ANKS1B: variants seen among roughly 807,000 people sequenced by gnomAD.
ANKS1B encodes ankyrin repeat and sterile alpha motif domain-containing protein 1B.
In ANKS1B, 36 loss-of-function variants were observed where a neutral mutation model predicts 148.3. The observed-to-expected ratio is 0.24, with a 90% CI of 0.19 to 0.32. The LOEUF (loss-of-function observed/expected upper bound fraction) is 0.32. Ranked by LOEUF, ANKS1B falls within the 10% of genes least tolerant of loss-of-function variation. The pLI, the probability that ANKS1B is intolerant of heterozygous loss-of-function variation, is 1.00. For synonymous variants in ANKS1B, 542 were observed against 560.8 expected (o/e 0.97, Z 0.47); for missense variants, 1,157 against 1,542.6 (o/e 0.75, Z 4.19).
intron 1 of ANKS1B, among the ~76,000 whole-genome samples, chr12:99,853,351 A>T (rs537886129): frequency 6.6e-6 from 1 of 152,232 alleles, no homozygotes; most frequent in African/African-American, 2.4e-5. Flanking sequence ...TGCTACACCC[A>T]CAAGAGCAGG....
Position 98,801,154 on chromosome 12 carries a change from T to C in ANKS1B, c.3142-29A>G. The C allele has an allele frequency of 6.2e-7, 1 of 1,608,392 alleles. No individual in the cohort carries two copies. The highest frequency in any genetic ancestry group is 1.3e-5 in the African/African-American group (1 of 74,954). On this transcript the variant is annotated intron_variant, in intron 20 of 26. Coordinates refer to ENST00000683438, the MANE Select transcript of ANKS1B (RefSeq NM_001352186.2). This position sits in a 1 kb window ranked among gnomAD's most constrained non-coding sequence, Gnocchi z 5.2. ...AAAATGACATTTATTCTAGAGGCAA[T>C]ATGAGCAGTCAGCAAAGTTCATTCC...
At chr12:99,645,508 C>A (rs2098353232) in intron 9 of ANKS1B, among the ~76,000 whole-genome samples, 1 of 152,024 alleles carries the variant, frequency 6.6e-6, no homozygotes, top group African/African-American at 2.4e-5. Flanking sequence ...CATTTCAAGG[C>A]TGAGAAAAAT....
intron 9 of ANKS1B, chr12:99,648,410 G>C: frequency 1.9e-6 from 3 of 1,614,144 alleles, no homozygotes; most frequent in Non-Finnish European, 2.5e-6. Flanking sequence ...ACCAGCCCCT[G>C]CCTCACACTA....
At chr12:99,516,510 G>C (rs1017052146) in intron 9 of ANKS1B, among the ~76,000 whole-genome samples, 15 of 152,044 alleles carry the variant, frequency 9.9e-5, no homozygotes, top group Admixed American at 2.0e-4. Context: ...AACACCTCAT[G>C]TTGTCACTCA....
At chr12:99,118,412 T>C (rs1322187841) in intron 15 of ANKS1B, among the ~76,000 whole-genome samples, 1 of 152,216 alleles carries the variant, frequency 6.6e-6, no homozygotes, top group Non-Finnish European at 1.5e-5. Context: ...TTACACTGCA[T>C]ATGAGAACAT....
At chr12:99,588,603 T>C (rs1009705540) in intron 9 of ANKS1B, among the ~76,000 whole-genome samples, 9 of 152,064 alleles carry the variant, frequency 5.9e-5, no homozygotes, top group African/African-American at 1.9e-4. Context: ...TGTAATATTT[T>C]GTACATAAAG....
chr12:98,916,234 G>A (rs1290827280), intron 17 of ANKS1B, among the ~76,000 whole-genome samples: 1 of 152,232 alleles, frequency 6.6e-6, no homozygotes, highest in African/African-American at 2.4e-5. Flanking sequence ...CCAAGGTTTA[G>A]AACAGACAAT....
At chr12:99,569,810 C>G (rs2097433195) in intron 9 of ANKS1B, among the ~76,000 whole-genome samples, 1 of 152,172 alleles carries the variant, frequency 6.6e-6, no homozygotes, top group African/African-American at 2.4e-5. Flanking sequence ...TTGAGCCAGC[C>G]TGCCAGTTCA....
intron 16 of ANKS1B, among the ~76,000 whole-genome samples, chr12:99,076,278 A>G (rs1421878869): frequency 2.0e-5 from 3 of 152,178 alleles, no homozygotes; most frequent in African/African-American, 7.2e-5. Context: ...GAAGCTATGC[A>G]GGCAAATGAA....
At chr12:98,859,050 C>T (rs527747969) in intron 17 of ANKS1B, among the ~76,000 whole-genome samples, 2 of 152,234 alleles carry the variant, frequency 1.3e-5, no homozygotes, top group South Asian at 2.1e-4. Context: ...GCTAAAGGAA[C>T]GCTGTGTGTA....
chr12:98,763,619 T>C (rs1487898147), intron 25 of ANKS1B, among the ~76,000 whole-genome samples: 1 of 152,250 alleles, frequency 6.6e-6, no homozygotes, highest in Admixed American at 6.5e-5. Flanking sequence ...ATATGGCTAC[T>C]GCTAACATCT....
intron 17 of ANKS1B, among the ~76,000 whole-genome samples, chr12:98,886,580 T>C (rs1342160479): frequency 1.3e-5 from 2 of 152,232 alleles, no homozygotes; most frequent in African/African-American, 4.8e-5. Flanking sequence ...TTCAAAGATA[T>C]GATACAGTAT....
At chr12:99,047,446 G>T (rs180993147) in intron 17 of ANKS1B, among the ~76,000 whole-genome samples, 1 of 152,232 alleles carries the variant, frequency 6.6e-6, no homozygotes, top group Admixed American at 6.5e-5. Flanking sequence ...AATTTCCAAA[G>T]TTGATGACAA....
intron 8 of ANKS1B, among the ~76,000 whole-genome samples, chr12:99,717,706 A>T (rs1029491442): frequency 6.6e-6 from 1 of 151,994 alleles, no homozygotes; most frequent in Non-Finnish European, 1.5e-5. Context: ...ACCATCACGG[A>T]CGCCGAGCTT....
intron 1 of ANKS1B, among the ~76,000 whole-genome samples, chr12:99,935,387 T>A (rs2153811735): frequency 1.3e-5 from 2 of 151,332 alleles, no homozygotes; most frequent in South Asian, 2.1e-4. Context: ...ACAGTTAGCA[T>A]CTTAAAGAAC....
At chr12:99,678,646 TA>T (rs574873026) in intron 8 of ANKS1B, among the ~76,000 whole-genome samples, 2 of 151,582 alleles carry the variant, frequency 1.3e-5, no homozygotes, top group Non-Finnish European at 2.9e-5. Flanking sequence ...GCACCAAACT[TA>T]AAAAAAAATC....
intron 12 of ANKS1B, among the ~76,000 whole-genome samples, chr12:99,392,579 C>A (rs1013292288): frequency 2.0e-5 from 3 of 152,146 alleles, no homozygotes; most frequent in African/African-American, 7.2e-5. Context: ...TTAGCAGGTG[C>A]CCTTGAGAAA....
At chr12:99,775,457 A>G in intron 7 of ANKS1B, 91 bp downstream of exon 7, 1 of 683,300 alleles carries the variant, frequency 1.5e-6, no homozygotes, top group East Asian at 2.7e-5. Context: ...TGAAATATAG[A>G]GTATAGGATA....
Position 99,290,304 on chromosome 12 carries a change from C to T in ANKS1B, c.1757-43440G>A, listed in dbSNP as rs545395081. Among the ~76,000 whole-genome samples the T allele has an allele frequency of 9.1e-5, 13 of 143,120 alleles. No homozygotes were observed. The South Asian group carries it at 1.7e-3, about 19-fold the overall frequency. The allele number at this position is 143,120 out of a possible 152,430, so 93.9% of individuals were successfully genotyped here. On this transcript the variant is annotated intron_variant, in intron 12 of 26. Transcript: ENST00000683438. ...CTCCCAGAAAAAAAAAAAAAAAAGG[C>T]GTGGACCTGATGGCTTCACTGCTAA...
Sources: gnomAD v4.1 joint callset for allele counts (sites outside exome capture counted in the v4.1 genomes callset) on GRCh38, gnomAD v4.1.1 for gene constraint, Gnocchi (gnomAD v3.1) non-coding constraint, MANE v1.5 for transcripts, NCBI Gene and HGNC (gene_info 2026-07-23, HGNC 2026-07-21) for gene names.